Variants in PRUNE2 observed in about 807,000 individuals in gnomAD.
The protein encoded by PRUNE2 is protein prune homolog 2.
Under a neutral mutation model 252.0 loss-of-function variants are expected in PRUNE2, and 164 were observed. The observed-to-expected ratio is 0.65, with a 90% CI of 0.57 to 0.74. The LOEUF (loss-of-function observed/expected upper bound fraction) is 0.74. Among genes scored for constraint, PRUNE2 ranks in the 30% least tolerant of loss-of-function variants. PRUNE2 has a pLI of 0.00. For synonymous variants in PRUNE2, 1,292 were observed against 1,350.2 expected, an observed-to-expected ratio of 0.96 and a Z score of 0.94; for missense variants, 3,495 against 3,711.0, an observed-to-expected ratio of 0.94 and a Z score of 1.51.
Position 76,708,384 on chromosome 9 carries a change from G to A in PRUNE2, c.3890C>T (p.Ala1297Val), listed in dbSNP as rs2134929780. 6.2e-7 allele frequency: 1 copy of A among 1,613,850 alleles called. No individual in the cohort carries two copies. Among genetic ancestry groups the A allele is most frequent in the East Asian group, 2.2e-5 (1 of 44,844 alleles). Residue 1297 changes from alanine to valine, a missense_variant, in exon 8 of 19, where the codon GCA (alanine) becomes GTA (valine). Transcript: ENST00000376718. ...CTCAAGCCTAGTCGCCAAGGATGCT[G>A]CATCACTTTGCAGGGTTTCCCTCTC... ...DTERETLQSD[A>V]ASLATRLENP...
intron 1 of PRUNE2, among the ~76,000 whole-genome samples, chr9:76,861,608 C>T (rs1486734291): frequency 6.6e-6 from 1 of 152,102 alleles, no homozygotes; most frequent in Non-Finnish European, 1.5e-5. Context: ...ATCAACTAAT[C>T]CACTTTTTTA....
At chr9:76,715,584 A>T (rs1306700858) in intron 6 of PRUNE2, among the ~76,000 whole-genome samples, 1 of 152,244 alleles carries the variant, frequency 6.6e-6, no homozygotes, top group Non-Finnish European at 1.5e-5. Flanking sequence ...CATATAAGTC[A>T]TATGCGTTTG....
intron 1 of PRUNE2, among the ~76,000 whole-genome samples, chr9:76,895,408 C>T (rs756017001): frequency 2.0e-5 from 3 of 152,196 alleles, no homozygotes; most frequent in African/African-American, 7.2e-5. Flanking sequence ...GACTCATGAT[C>T]ACTTGTTATA....
intron 9 of PRUNE2, among the ~76,000 whole-genome samples, chr9:76,678,709 G>A (rs1281822165): frequency 6.6e-6 from 1 of 152,072 alleles, no homozygotes; most frequent in Non-Finnish European, 1.5e-5. Flanking sequence ...GGCGCCTGTA[G>A]TCCCAGCTAC....
At chr9:76,748,869 CA>C in intron 6 of PRUNE2, 1 of 152,406 alleles carries the variant, frequency 6.6e-6, no homozygotes, top group African/African-American at 2.4e-5. Flanking sequence ...CGGTTCAGTA[CA>C]GTGGGTGCAG....
rs147383247 is a variant in PRUNE2, at chr9:76,823,722, T to C, written c.666A>G (p.Leu222=). ...CTTTCAACATTGTCTGTTCAATACTTAAACCTGTGGATGACAGGAAAAAAA... is the reference window on the plus strand; with the variant it reads ...CTTTCAACATTGTCTGTTCAATACTCAAACCTGTGGATGACAGGAAAAAAA... ...LQETQFSAQG[L]SIEQTMLKDL... The change falls in exon 6 of 19, where the codon TTA becomes TTG. Residue 222 remains leucine (L), a synonymous_variant. Transcript: ENST00000376718. 1.9e-6 allele frequency: 3 copies of C among 1,592,344 alleles called. No homozygotes were observed. The highest frequency in any genetic ancestry group is 2.6e-6 in the Non-Finnish European group (3 of 1,162,438).
intron 6 of PRUNE2, among the ~76,000 whole-genome samples, chr9:76,720,994 G>A (rs1020228100): frequency 1.3e-5 from 2 of 152,118 alleles, no homozygotes; most frequent in African/African-American, 4.8e-5. Context: ...CCAGCTACTC[G>A]GAGAGGCTGA....
intron 4 of PRUNE2, among the ~76,000 whole-genome samples, chr9:76,829,723 T>C (rs1401577464): frequency 6.6e-6 from 1 of 151,962 alleles, no homozygotes; most frequent in Non-Finnish European, 1.5e-5. Flanking sequence ...TGATTTGAAT[T>C]GGCTTAAGCA....
intron 6 of PRUNE2, among the ~76,000 whole-genome samples, chr9:76,809,147 G>A (rs993225924): frequency 6.6e-6 from 1 of 152,088 alleles, no homozygotes; most frequent in Non-Finnish European, 1.5e-5. Flanking sequence ...TCTCAAGGGA[G>A]CACTTTCTGA....
intron 9 of PRUNE2, among the ~76,000 whole-genome samples, chr9:76,701,009 C>T (rs2045845487): frequency 6.6e-6 from 1 of 152,228 alleles, no homozygotes; most frequent in African/African-American, 2.4e-5. Flanking sequence ...TTATGTCTAA[C>T]TCTTTAGTTA....
intron 16 of PRUNE2, chr9:76,627,925 A>G: frequency 3.0e-6 from 1 of 333,672 alleles, no homozygotes; most frequent in South Asian, 2.3e-5. Context: ...ACATTACATG[A>G]GAATTCTTTC....
intron 9 of PRUNE2, among the ~76,000 whole-genome samples, chr9:76,677,842 C>T (rs1024169411): frequency 2.6e-5 from 4 of 152,148 alleles, no homozygotes; most frequent in South Asian, 2.1e-4. Flanking sequence ...AGCATATGAG[C>T]TCAAACCTGG....
At chr9:76,785,332 A>G (rs1199025392) in intron 6 of PRUNE2, 3 of 152,346 alleles carry the variant, frequency 2.0e-5, no homozygotes, top group South Asian at 2.1e-4. Context: ...AAATACTAAA[A>G]GTGTAATTTG....
intron 1 of PRUNE2, among the ~76,000 whole-genome samples, chr9:76,896,263 A>C (rs959020470): frequency 6.6e-6 from 1 of 152,190 alleles, no homozygotes; most frequent in Non-Finnish European, 1.5e-5. Context: ...GGTAGCTAGC[A>C]TTCATGTGTT....
intron 6 of PRUNE2, among the ~76,000 whole-genome samples, chr9:76,805,791 C>G (rs1386282169): frequency 1.3e-5 from 2 of 152,076 alleles, no homozygotes; most frequent in Non-Finnish European, 2.9e-5. Flanking sequence ...CTTCTGTGAC[C>G]TAACATAGAA....
intron 1 of PRUNE2, chr9:76,863,163 C>T (rs925596581): frequency 3.9e-5 from 6 of 152,100 alleles, no homozygotes; most frequent in African/African-American, 1.2e-4. Context: ...ATTTTTGTAT[C>T]TATCCCTAGT....
At chr9:76,744,266 A>C (rs2049910486) in intron 6 of PRUNE2, among the ~76,000 whole-genome samples, 1 of 152,194 alleles carries the variant, frequency 6.6e-6, no homozygotes, top group African/African-American at 2.4e-5. Context: ...CAAACTTTCC[A>C]AGTTCAAAGT....
chr9:76,660,781 C>CAAAAAAAAAAAAAAAAAAAAAAAA (rs11432174), intron 9 of PRUNE2, among the ~76,000 whole-genome samples: 3 of 101,040 alleles, frequency 3.0e-5, no homozygotes, highest in Non-Finnish European at 5.7e-5. Flanking sequence ...GACTCTGAAT[C>CAAAAAAAAAAAAAAAAAAAAAAAA]AAAAAAAAAA....
In PRUNE2 at chr9:76,710,471, T is replaced by C. The variant is rs779569175; in HGVS notation, c.1803A>G (p.Leu601=). ...VGDESPSPER[L]KNTGKRIPPT... ...GTGGGATCCTCTTTCCAGTATTTTT[T>C]AGCCTTTCTGGGGAAGGGGATTCAT... The change falls in exon 8 of 19, where the codon CTA becomes CTG. Residue 601 remains leucine, a synonymous_variant. Coordinates refer to ENST00000376718, the MANE Select transcript of PRUNE2 (RefSeq NM_015225.3). 20 of 1,613,994 alleles carry C rather than the reference T, an allele frequency of 1.2e-5. No homozygotes were observed. Among genetic ancestry groups the C allele is most frequent in the Admixed American group, 5.0e-5 (3 of 60,024 alleles).
Sources: gnomAD v4.1 joint callset for allele counts (sites outside exome capture counted in the v4.1 genomes callset) on GRCh38, gnomAD v4.1.1 for gene constraint, MANE v1.5 for transcripts, NCBI Gene and HGNC (gene_info 2026-07-23, HGNC 2026-07-21) for gene names.